The following SKAP2 variants were observed in gnomAD, a reference collection of about 807,000 sequenced individuals.
SKAP2 encodes src kinase associated phosphoprotein 2.
In SKAP2, 28 loss-of-function variants were observed where a neutral mutation model predicts 54.9. That is an observed-to-expected ratio of 0.51 (90% CI 0.38 to 0.70). The LOEUF (loss-of-function observed/expected upper bound fraction) is 0.70. Ranked by LOEUF, SKAP2 falls within the 30% of genes least tolerant of loss-of-function variation. The probability of loss-of-function intolerance (pLI) is 0.00; values close to 1 mark genes in which losing one functional copy is unlikely to be tolerated. For synonymous variants in SKAP2, 137 were observed against 134.3 expected (o/e 1.02, Z -0.14); for missense variants, 356 against 424.1 (o/e 0.84, Z 1.41).
At chr7:26,737,227 A>G (rs1226768776) in intron 6 of SKAP2, among the ~76,000 whole-genome samples, 2 of 152,224 alleles carry the variant, frequency 1.3e-5, no homozygotes, top group Admixed American at 6.5e-5. Context: ...AATTCACAAT[A>G]TCATACAAAA....
At chr7:26,714,770 T>C (rs12700754) in intron 9 of SKAP2, among the ~76,000 whole-genome samples, 69,789 of 152,070 alleles carry the variant, frequency 0.46, 16,984 homozygotes, top group East Asian at 0.6. Flanking sequence ...GTGTGTATTT[T>C]TTTTTCTGGG....
At chr7:26,741,629 GAA>G (rs1782458402) in intron 4 of SKAP2, among the ~76,000 whole-genome samples, 2 of 151,852 alleles carry the variant, frequency 1.3e-5, no homozygotes, top group African/African-American at 4.8e-5. Context: ...TTGTAACAGA[GAA>G]AGAATAAATG....
At chr7:26,857,354 T>A in intron 1 of SKAP2, 1 of 322,346 alleles carries the variant, frequency 3.1e-6, no homozygotes, top group Non-Finnish European at 4.3e-6. Flanking sequence ...TGGAAGCAGT[T>A]CCCGAAATAA....
At chr7:26,775,565 GTGTGT>G (rs1783287292) in intron 4 of SKAP2, among the ~76,000 whole-genome samples, 1 of 100,196 alleles carries the variant, frequency 1.0e-5, no homozygotes, top group African/African-American at 3.8e-5. Context: ...GTGTGTGTGT[GTGTGT>G]TTTCTATGGA....
intron 4 of SKAP2, among the ~76,000 whole-genome samples, chr7:26,752,949 A>T (rs1337957451): frequency 6.6e-6 from 1 of 152,226 alleles, no homozygotes; most frequent in Admixed American, 6.5e-5. Flanking sequence ...ACTCTTCAGT[A>T]TGAACTGGTA....
chr7:26,694,661 T>G (rs374242212), intron 9 of SKAP2, among the ~76,000 whole-genome samples: 1 of 142,072 alleles, frequency 7.0e-6, no homozygotes, highest in African/African-American at 2.6e-5. Context: ...CCTGAAGAAT[T>G]AAAAAAAAAA....
intron 9 of SKAP2, among the ~76,000 whole-genome samples, chr7:26,701,397 G>C (rs2127946064): frequency 6.6e-6 from 1 of 152,140 alleles, no homozygotes; most frequent in South Asian, 2.1e-4. Context: ...TATTTTCTTT[G>C]GTTATTCAGC....
intron 4 of SKAP2, among the ~76,000 whole-genome samples, chr7:26,814,636 A>G (rs1784226910): frequency 6.6e-6 from 1 of 152,012 alleles, no homozygotes; most frequent in Admixed American, 6.6e-5. Context: ...TTATAATGCA[A>G]CATAGATTAA....
At chr7:26,781,998 G>T (rs977013981) in intron 4 of SKAP2, among the ~76,000 whole-genome samples, 2 of 152,138 alleles carry the variant, frequency 1.3e-5, no homozygotes, top group African/African-American at 2.4e-5. Context: ...GAGCTTATTA[G>T]AACTTGTAGA....
intron 4 of SKAP2, among the ~76,000 whole-genome samples, chr7:26,759,508 C>G (rs1782877180): frequency 6.6e-6 from 1 of 152,066 alleles, no homozygotes; most frequent in South Asian, 2.1e-4. Flanking sequence ...CTAGCTATGG[C>G]AGATTAATAC....
chr7:26,822,253 A>C (rs1251536500), intron 4 of SKAP2, among the ~76,000 whole-genome samples: 1 of 152,184 alleles, frequency 6.6e-6, no homozygotes, highest in East Asian at 1.9e-4. Flanking sequence ...GGTTTGTGAC[A>C]ACCCTTGTGG....
At chr7:26,840,259 T>G (rs1278140634) in intron 4 of SKAP2, among the ~76,000 whole-genome samples, 2 of 152,070 alleles carry the variant, frequency 1.3e-5, no homozygotes, top group Non-Finnish European at 2.9e-5. Context: ...ACAAAGTGAT[T>G]ATGGTCTAGG....
intron 4 of SKAP2, among the ~76,000 whole-genome samples, chr7:26,838,949 C>T (rs1022100020): frequency 5.3e-5 from 8 of 152,130 alleles, no homozygotes; most frequent in African/African-American, 1.9e-4. Context: ...CCCAATTGCC[C>T]TGTCCAAGTA....
chr7:26,753,941 T>C (rs191041196), intron 4 of SKAP2, among the ~76,000 whole-genome samples: 100 of 152,240 alleles, frequency 6.6e-4, no homozygotes, highest in Admixed American at 1.4e-3. Context: ...CTTTCACAAT[T>C]ACTAACACTC....
At chr7:26,689,877 T>G (rs539755896) in intron 10 of SKAP2, among the ~76,000 whole-genome samples, 1 of 152,206 alleles carries the variant, frequency 6.6e-6, no homozygotes, top group African/African-American at 2.4e-5. Context: ...AAGTCTGTTC[T>G]GCTCAAGCAC....
intron 4 of SKAP2, among the ~76,000 whole-genome samples, chr7:26,782,653 T>C (rs1169597007): frequency 6.6e-6 from 1 of 152,048 alleles, no homozygotes; most frequent in Non-Finnish European, 1.5e-5. Context: ...ATCATGCCAT[T>C]GCACTCTAGC....
chr7:26,665,232 T>C (rs1786084765), downstream of SKAP2, among the ~76,000 whole-genome samples: 1 of 152,150 alleles, frequency 6.6e-6, no homozygotes, highest in African/African-American at 2.4e-5. Flanking sequence ...AGTAGATCAC[T>C]TGCCCCAAGC....
rs192623240 is a variant in SKAP2 at position 26,714,825 on chromosome 7, T to C, written c.796+10603A>G. On this transcript the variant is annotated intron_variant, in intron 9 of 12. Coordinates refer to ENST00000345317, the MANE Select transcript of SKAP2 (RefSeq NM_003930.5). ...TTTCGTGAAGCTACTACAAACTTTA[T>C]CATATTCTATCTTCTGAAAGAATGG... Among the ~76,000 whole-genome samples the C allele has an allele frequency of 3.0e-3, 453 of 152,330 alleles. 4 individuals are homozygous for C. Among genetic ancestry groups the C allele is most frequent in the African/African-American group, 0.01 (435 of 41,572 alleles).
At chr7:26,683,535 TGGAAGGAA>T (rs145108418) in intron 11 of SKAP2, among the ~76,000 whole-genome samples, 1,800 of 147,166 alleles carry the variant, frequency 0.012, 38 homozygotes, top group African/African-American at 0.042. Context: ...GATGGATGGA[TGGAAGGAA>T]GGAAGGAAGG....
Sources: gnomAD v4.1 joint callset for allele counts (sites outside exome capture counted in the v4.1 genomes callset) on GRCh38, gnomAD v4.1.1 for gene constraint, MANE v1.5 for transcripts, NCBI Gene and HGNC (gene_info 2026-07-23, HGNC 2026-07-21) for gene names.